The following SIK3 variants were observed in gnomAD, a reference collection of about 807,000 sequenced individuals.
SIK3 encodes SIK family kinase 3, also known as serine/threonine-protein kinase SIK3.
In SIK3, 28 loss-of-function variants were observed where a neutral mutation model predicts 144.2. The observed-to-expected ratio is 0.19, with a 90% CI of 0.14 to 0.27. SIK3 has a LOEUF of 0.27. SIK3 is among the 10% of genes least tolerant of loss of function. SIK3 has a pLI of 1.00. For synonymous variants in SIK3, 686 were observed against 676.3 expected (o/e 1.01, Z -0.22); for missense variants, 1,319 against 1,776.0 (o/e 0.74, Z 4.62).
chr11:117,052,930 AC>A (rs1477839175), intron 1 of SIK3, among the ~76,000 whole-genome samples: 1 of 152,212 alleles, frequency 6.6e-6, no homozygotes, highest in Non-Finnish European at 1.5e-5. Context: ...GGCTACACAA[AC>A]AGCACATCTG....
At chr11:117,096,972 G>A (rs1344081395) in intron 1 of SIK3, among the ~76,000 whole-genome samples, 2 of 152,178 alleles carry the variant, frequency 1.3e-5, no homozygotes, top group Admixed American at 1.3e-4. Context: ...ACAAGCTGCA[G>A]TTCTAAACAT....
intron 10 of SIK3, 40 bp from the exon 11 acceptor site, chr11:116,875,307 G>A (rs1466641419): frequency 5.6e-6 from 9 of 1,612,886 alleles, no homozygotes; most frequent in Non-Finnish European, 7.6e-6. Flanking sequence ...GAAATCAGAA[G>A]GAAGGGAAGC....
chr11:116,940,231 G>GTTTTTTTTT (rs759117065), intron 3 of SIK3, among the ~76,000 whole-genome samples: 2 of 135,794 alleles, frequency 1.5e-5, no homozygotes, highest in African/African-American at 2.7e-5. Flanking sequence ...AGGTTTTTTT[G>GTTTTTTTTT]TTTTTTTTTT....
chr11:116,954,011 T>C (rs1322986018), intron 3 of SIK3, 33 bp downstream of exon 3: 11 of 1,583,446 alleles, frequency 6.9e-6, no homozygotes, highest in East Asian at 4.5e-5. Flanking sequence ...GTGTGCTCAA[T>C]AGCTGTTTAA....
intron 1 of SIK3, among the ~76,000 whole-genome samples, chr11:116,968,140 G>GT (rs999143157): frequency 3.3e-5 from 5 of 151,830 alleles, no homozygotes; most frequent in African/African-American, 1.2e-4. Context: ...AAATTTCTGG[G>GT]TTTTTTTGTT....
chr11:117,042,405 A>T (rs549487161), intron 1 of SIK3, among the ~76,000 whole-genome samples: 1 of 152,206 alleles, frequency 6.6e-6, no homozygotes, highest in East Asian at 1.9e-4. Context: ...GTCTCGCTGC[A>T]CATCTACATG....
At chr11:117,075,283 G>C (rs570999622) in intron 1 of SIK3, among the ~76,000 whole-genome samples, 1 of 152,120 alleles carries the variant, frequency 6.6e-6, no homozygotes, top group Non-Finnish European at 1.5e-5. Context: ...CCCTAAATGG[G>C]GTAGGCATAG....
chr11:117,093,288 C>T lies in SIK3; in HGVS notation c.273+4855G>A, dbSNP rs535341377. On this transcript the variant is annotated intron_variant, in intron 1 of 24. Transcript: ENST00000445177. ...TTAGAGGTGAAAATAATGCTTTTAG[C>T]CCACTTTGACTTGTTCTCCTCATGG... Among the ~76,000 whole-genome samples the T allele has an allele frequency of 1.1e-4, 16 of 152,326 alleles. No homozygotes were observed. The East Asian group carries it at 2.5e-3, about 24-fold the overall frequency.
intron 22 of SIK3, 53 bp from the exon 23 acceptor site, chr11:116,847,661 C>T: frequency 6.2e-7 from 1 of 1,609,456 alleles, no homozygotes; most frequent in Admixed American, 1.7e-5. Flanking sequence ...CACTCTCAGG[C>T]AACCCCTAGA....
Position 116,891,167 on chromosome 11 carries a change from G to T in SIK3, c.865+5086C>A, listed in dbSNP as rs528736793. On this transcript the variant is annotated intron_variant, in intron 6 of 24. Coordinates refer to ENST00000445177, the MANE Select transcript of SIK3 (RefSeq NM_001366686.3). ...ATAAAAAAATGTTTAAAAATTAGAC[G>T]GGCATGATGGTGCTTGGTGCTTGCC... 8.9e-4 allele frequency among the ~76,000 whole-genome samples: 135 copies of T among 152,200 alleles called. 1 individual carries two copies. The highest frequency in any genetic ancestry group is 3.2e-3 in the African/African-American group (132 of 41,526).
chr11:116,846,015 A>C lies in SIK3; in HGVS notation c.*13+368T>G, dbSNP rs1941910684. Among the ~76,000 whole-genome samples, 1 of 152,134 alleles carries C rather than the reference A, an allele frequency of 6.6e-6. No individual in the cohort carries two copies. Among genetic ancestry groups the C allele is most frequent in the African/African-American group, 2.4e-5 (1 of 41,430 alleles). ...TGCCAGGTTTTGTCTTTTAGGACTG[A>C]GTTTAAGGACTTCCTCCTTTCCTCA... On this transcript the variant is annotated intron_variant, in intron 24 of 24. Transcript: ENST00000445177. The surrounding 1 kb of genome is among the most constrained non-coding windows in gnomAD (Gnocchi z 4.1).
chr11:116,907,578 G>A lies in SIK3; in HGVS notation c.617-10261C>T, dbSNP rs148863402. On this transcript the variant is annotated intron_variant, in intron 4 of 24. Transcript: ENST00000445177. ...GGAGAATTGCTTGAACCCAGGAGGC[G>A]GAGGGTTGCACCAGAGTCGAAATTG... Among the ~76,000 whole-genome samples the A allele has an allele frequency of 2.5e-3, 373 of 152,196 alleles. 1 individual carries two copies. The highest frequency in any genetic ancestry group is 8.5e-3 in the African/African-American group (354 of 41,520).
At chr11:117,004,256 T>C (rs1950960728) in intron 1 of SIK3, among the ~76,000 whole-genome samples, 1 of 152,204 alleles carries the variant, frequency 6.6e-6, no homozygotes, top group East Asian at 1.9e-4. Flanking sequence ...GGCTCACACC[T>C]GTAATCCCAG....
chr11:117,020,037 C>T (rs1376566520), intron 1 of SIK3, among the ~76,000 whole-genome samples: 4 of 151,886 alleles, frequency 2.6e-5, no homozygotes, highest in African/African-American at 9.7e-5. Context: ...AAAGCCCCAC[C>T]TCAACCACAT....
At position 116,915,639 on chromosome 11, in the gene SIK3, T is replaced by G. The variant is rs148474531; in HGVS notation, c.616+11580A>C. ...GTGGTATATACATATTTTGTGTGTA[T>G]GTATGTAATGTAACATTTTTAAACT... On this transcript the variant is annotated intron_variant, in intron 4 of 24. Transcript: ENST00000445177. Among the ~76,000 whole-genome samples the G allele has an allele frequency of 3.6e-3, 544 of 152,298 alleles. 10 individuals are homozygous for G. The Middle Eastern group carries it at 0.048, about 13-fold the overall frequency.
At position 116,859,715 on chromosome 11, in the gene SIK3, T is replaced by C. The variant is rs1023265893; in HGVS notation, c.2426-111A>G. 1.1e-5 allele frequency: 10 copies of C among 881,774 alleles called. No homozygotes were observed. The African/African-American group carries it at 1.5e-4, about 13-fold the overall frequency. The allele number at this position is 881,774 out of a possible 1,614,324, so 54.6% of individuals were successfully genotyped here. On this transcript the variant is annotated intron_variant, in intron 19 of 24. Transcript: ENST00000445177. ...GACATACCAGCTAGAACAGTGCTTC[T>C]CAAACTGCACTGAGCATAGGACAAG...
chr11:116,985,161 G>A (rs534617589), intron 1 of SIK3, among the ~76,000 whole-genome samples: 6 of 152,310 alleles, frequency 3.9e-5, no homozygotes, highest in Admixed American at 2.6e-4. Flanking sequence ...TAGCAAGACA[G>A]ACAATAGGGC....
rs1278443843 is a variant in SIK3 at position 116,868,044 on chromosome 11, G to A, written c.1854C>T (p.Asn618=). 6.4e-7 allele frequency: 1 copy of A among 1,550,562 alleles called. No homozygotes were observed. The highest frequency in any genetic ancestry group is 8.7e-7 in the Non-Finnish European group (1 of 1,146,992). Residue 618 remains asparagine (N), a synonymous_variant, in exon 15 of 25, where the codon AAC becomes AAT. Coordinates refer to ENST00000445177, the MANE Select transcript of SIK3 (RefSeq NM_001366686.3). ...GGTCCGGTGGGATCTCAGCTGTAGGGTTGGTCATGGCCAGTGTATGTCTTT... is the reference window on the plus strand; with the variant it reads ...GGTCCGGTGGGATCTCAGCTGTAGGATTGGTCATGGCCAGTGTATGTCTTT... ...RSKRHTLAMT[N]PTAEIPPDLQ...
In SIK3 at chr11:116,847,810, G is replaced by A. The variant is rs368864575; in HGVS notation, c.3820-202C>T. 1.3e-4 allele frequency among the ~76,000 whole-genome samples: 20 copies of A among 152,284 alleles called. No homozygotes were observed. The South Asian group carries it at 3.1e-3, about 24-fold the overall frequency. ...GCTGCTTGGCTCTGCCCAGTGGGGG[G>A]GCTGAGGGTGGGGCGGATGTGGCAA... On this transcript the variant is annotated intron_variant, in intron 22 of 24. Transcript: ENST00000445177.
Sources: gnomAD v4.1 joint callset for allele counts (sites outside exome capture counted in the v4.1 genomes callset) on GRCh38, gnomAD v4.1.1 for gene constraint, Gnocchi (gnomAD v3.1) non-coding constraint, MANE v1.5 for transcripts, NCBI Gene and HGNC (gene_info 2026-07-23, HGNC 2026-07-21) for gene names.